The following TRARG1 variants were observed in gnomAD, a reference collection of about 807,000 sequenced individuals.
The protein encoded by TRARG1 is trafficking regulator of GLUT4 (SLC2A4) 1 (gene/pseudogene).
TRARG1 carries 16 observed loss-of-function variants against 13.3 expected under a neutral mutation model. The ratio of observed to expected loss-of-function variants is 1.20; its 90% CI spans 0.81 to 1.83. The LOEUF (loss-of-function observed/expected upper bound fraction) is 1.83, where lower values mean the gene tolerates loss of function less well. Ranked by LOEUF, TRARG1 falls within the 40% of genes most tolerant of loss-of-function variation. The pLI, the probability that TRARG1 is intolerant of heterozygous loss-of-function variation, is 0.00. For synonymous variants in TRARG1, 113 were observed against 106.2 expected (o/e 1.06, Z -0.39); for missense variants, 250 against 237.4 (o/e 1.05, Z -0.35).
At chr17:1,292,405 C>T (rs2150810937) in intron 1 of TRARG1, among the ~76,000 whole-genome samples, 1 of 152,246 alleles carries the variant, frequency 6.6e-6, no homozygotes, top group South Asian at 2.1e-4. Flanking sequence ...ATTCGGGACT[C>T]ACGTCCTACA....
At chr17:1,295,401 T>A in intron 1 of TRARG1, 90 bp from the exon 2 acceptor site, 1 of 1,472,274 alleles carries the variant, frequency 6.8e-7, no homozygotes, top group Non-Finnish European at 9.0e-7. Context: ...AGGCCCAGGC[T>A]CAGGGCCACC....
At position 1,280,072 on chromosome 17, in the gene TRARG1, C is replaced by G. The variant is rs765075771; in HGVS notation, c.71C>G (p.Pro24Arg). 6.2e-7 allele frequency: 1 copy of G among 1,613,500 alleles called. No individual in the cohort carries two copies. Among genetic ancestry groups the G allele is most frequent in the Non-Finnish European group, 8.5e-7 (1 of 1,180,026 alleles). Residue 24 changes from proline to arginine, a missense_variant, in exon 1 of 3, where the codon CCG (proline) becomes CGG (arginine). Coordinates refer to ENST00000333813, the MANE Select transcript of TRARG1 (RefSeq NM_172367.3). ...GGCTCCGCCGCATTCCTGGACCTGCCGGAGATGGAGATACTCCTCACCAAG... is the reference window on the plus strand; with the variant it reads ...GGCTCCGCCGCATTCCTGGACCTGCGGGAGATGGAGATACTCCTCACCAAG... ...EPGSAAFLDL[P>R]EMEILLTKAE...
intron 1 of TRARG1, among the ~76,000 whole-genome samples, chr17:1,286,347 C>T (rs1289124724): frequency 1.3e-5 from 2 of 151,154 alleles, no homozygotes; most frequent in Non-Finnish European, 2.9e-5. Flanking sequence ...TGTTGTTGGC[C>T]TGTGGGGTGT....
At chr17:1,290,103 G>A (rs2072059559) in intron 1 of TRARG1, among the ~76,000 whole-genome samples, 1 of 152,158 alleles carries the variant, frequency 6.6e-6, no homozygotes, top group East Asian at 1.9e-4. Context: ...TCTCAAACCT[G>A]AACTCTTTTC....
chr17:1,285,940 C>T (rs1475899004), intron 1 of TRARG1, among the ~76,000 whole-genome samples: 4 of 152,084 alleles, frequency 2.6e-5, no homozygotes, highest in East Asian at 1.9e-4. Context: ...CGGCCAGCTC[C>T]GAGGCCGCTC....
intron 1 of TRARG1, among the ~76,000 whole-genome samples, chr17:1,286,571 AGCCTGTGGGGTGTTATCG>A (rs1384095146): frequency 1.4e-4 from 13 of 93,942 alleles, no homozygotes; most frequent in African/African-American, 5.3e-4. Context: ...GGGTGTTGTC[AGCCTGTGGGGTGTTATCG>A]GCCTGTGGGG....
intron 1 of TRARG1, among the ~76,000 whole-genome samples, chr17:1,280,620 C>T (rs1400116268): frequency 1.3e-5 from 2 of 152,136 alleles, no homozygotes; most frequent in Non-Finnish European, 2.9e-5. Context: ...CATCAGAGCT[C>T]GACTTTGCAC....
chr17:1,295,609 C>T lies in TRARG1; in HGVS notation c.506C>T (p.Thr169Ile), dbSNP rs1022986829. 1.2e-6 allele frequency: 2 copies of T among 1,611,940 alleles called. No individual in the cohort carries two copies. Among genetic ancestry groups the T allele is most frequent in the Admixed American group, 1.7e-5 (1 of 59,786 alleles). The part of the protein sequence containing the change: ...MGIVIIMVAV[T>I]VNFTVQKK ...ATCGTCATTATCATGGTGGCCGTGA[C>T]CGTCAACTTCACAGGTGAGACCCAG... is the stretch of plus-strand genomic sequence containing the variant. Residue 169 changes from threonine (T) to isoleucine (I), a missense_variant, in exon 2 of 3, where the codon ACC (threonine) becomes ATC (isoleucine). By Grantham distance (89) the Thr-to-Ile change is moderately conservative. Coordinates refer to ENST00000333813, the MANE Select transcript of TRARG1 (RefSeq NM_172367.3).
intron 1 of TRARG1, among the ~76,000 whole-genome samples, chr17:1,290,999 G>A (rs1449001321): frequency 6.6e-6 from 1 of 151,232 alleles, no homozygotes; most frequent in Non-Finnish European, 1.5e-5. Flanking sequence ...TCCACCTCCC[G>A]GGTTCCAGCG....
At position 1,282,027 on chromosome 17, in the gene TRARG1, TAC is replaced by T. The variant is rs529925167; in HGVS notation, c.387+1641_387+1642del. Among the ~76,000 whole-genome samples, 265 of 139,398 alleles carry T rather than the reference TAC, an allele frequency of 1.9e-3. 2 individuals carry two copies. The Middle Eastern group carries it at 0.032, about 17-fold the overall frequency. The allele number at this position is 139,398 out of a possible 152,430, so 91.5% of individuals were successfully genotyped here. A position where few individuals can be genotyped will look rare whatever the true frequency, so the allele number is the denominator to read the frequency against. ...ATACACATATGTACATATACATATG[TAC>T]ATATATACACACATATGTACACATA... is the stretch of plus-strand genomic sequence containing the variant. On this transcript the variant is annotated intron_variant, in intron 1 of 2. Transcript: ENST00000333813.
intron 2 of TRARG1, among the ~76,000 whole-genome samples, chr17:1,297,480 T>G (rs1407901600): frequency 6.6e-6 from 1 of 152,004 alleles, no homozygotes; most frequent in Non-Finnish European, 1.5e-5. Context: ...TGAGTCTGAT[T>G]GACATGCAGG....
rs1460723209 is a variant in TRARG1 at position 1,295,481 on chromosome 17, C to T, written c.388-10C>T. On this transcript the variant is annotated splice_polypyrimidine_tract_variant and intron_variant, in intron 1 of 2. Transcript: ENST00000333813. ...CCGGTTCCCGGGGTCTCTCTGTGCT[C>T]TCTCCGCAGTCTCGAAGCAGCATGC... The T allele has an allele frequency of 1.9e-6, 3 of 1,598,114 alleles. No homozygotes were observed. The highest frequency in any genetic ancestry group is 2.7e-5 in the African/African-American group (2 of 74,516).
At chr17:1,292,957 G>A (rs964733928) in intron 1 of TRARG1, among the ~76,000 whole-genome samples, 1 of 152,044 alleles carries the variant, frequency 6.6e-6, no homozygotes, top group Non-Finnish European at 1.5e-5. Flanking sequence ...GTGGGGAGAG[G>A]GTGAAGAAGA....
chr17:1,292,402 A>C (rs972483079), intron 1 of TRARG1, among the ~76,000 whole-genome samples: 3 of 151,646 alleles, frequency 2.0e-5, no homozygotes, highest in African/African-American at 7.3e-5. Flanking sequence ...ATCATTCGGG[A>C]CTCACGTCCT....
At chr17:1,282,002 A>G (rs1381238898) in intron 1 of TRARG1, among the ~76,000 whole-genome samples, 3 of 151,430 alleles carry the variant, frequency 2.0e-5, no homozygotes, top group Non-Finnish European at 2.9e-5. Flanking sequence ...ATATACAGAT[A>G]TACACATATG....
At chr17:1,283,943 T>C (rs766266409) in intron 1 of TRARG1, among the ~76,000 whole-genome samples, 11 of 151,740 alleles carry the variant, frequency 7.2e-5, no homozygotes, top group Non-Finnish European at 1.2e-4. Context: ...AATCCCCATC[T>C]CTACTAAAAA....
In TRARG1 at chr17:1,293,283, C is replaced by CA. The variant is rs55792385; in HGVS notation, c.388-2188dup. On this transcript the variant is annotated intron_variant, in intron 1 of 2. Transcript: ENST00000333813. The stretch of plus-strand genomic sequence containing the variant: ...TGGGCGACAGAGCAAGACTCTGTCT[C>CA]AAAAAAAAAAAAAAAAAAAAGATAG... Among the ~76,000 whole-genome samples the CA allele has an allele frequency of 0.014, 1,066 of 77,092 alleles. 90 individuals carry two copies. In the East Asian group the frequency reaches 0.22, roughly 16 times the overall value. 50.6% of individuals were successfully genotyped at this position (77,092 alleles called of 152,430 possible).
At chr17:1,281,100 G>A (rs943258445) in intron 1 of TRARG1, among the ~76,000 whole-genome samples, 2 of 152,216 alleles carry the variant, frequency 1.3e-5, no homozygotes, top group Admixed American at 1.3e-4. Context: ...CCAGGAAGGG[G>A]CATGGGGCCG....
chr17:1,281,931 C>A (rs1356563957), intron 1 of TRARG1, among the ~76,000 whole-genome samples: 1 of 151,924 alleles, frequency 6.6e-6, no homozygotes, highest in African/African-American at 2.4e-5. Context: ...TATACATATA[C>A]ATACATGTAC....
Sources: allele counts gnomAD v4.1 joint callset (sites outside exome capture counted in the v4.1 genomes callset), GRCh38; gene constraint gnomAD v4.1.1; transcripts MANE v1.5; gene names NCBI Gene and HGNC (gene_info 2026-07-23, HGNC 2026-07-21).